Variants in RSPO3 observed in about 807,000 individuals in gnomAD.
The protein encoded by RSPO3 is R-spondin 3, also known as R-spondin-3.
Under a neutral mutation model 36.5 loss-of-function variants are expected in RSPO3, and 17 were observed. That is an observed-to-expected ratio of 0.47 (90% confidence interval 0.32 to 0.70). The LOEUF (loss-of-function observed/expected upper bound fraction) is 0.70. RSPO3 is among the 30% of genes least tolerant of loss of function. The pLI, the probability that RSPO3 is intolerant of heterozygous loss-of-function variation, is 0.04. For synonymous variants in RSPO3, 108 were observed against 107.0 expected (o/e 1.01, Z -0.06); for missense variants, 294 against 322.5 (o/e 0.91, Z 0.68).
intron 1 of RSPO3, among the ~76,000 whole-genome samples, chr6:127,121,723 T>C (rs1452541816): frequency 6.6e-6 from 1 of 152,230 alleles, no homozygotes; most frequent in African/African-American, 2.4e-5. Flanking sequence ...GATATACCGT[T>C]TGTTTTGAAA....
At chr6:127,136,978 C>A (rs941216639) in intron 1 of RSPO3, among the ~76,000 whole-genome samples, 26 of 152,312 alleles carry the variant, frequency 1.7e-4, no homozygotes, top group African/African-American at 5.8e-4. Context: ...GCAAGAGCAT[C>A]AAGCATTGTT....
chr6:127,151,892 C>A (rs2114586640), intron 3 of RSPO3, among the ~76,000 whole-genome samples: 1 of 152,040 alleles, frequency 6.6e-6, no homozygotes, highest in Middle Eastern at 3.4e-3. Flanking sequence ...GTTCCAAACA[C>A]TGGAAAAAAT....
chr6:127,143,958 G>A (rs773792136), intron 1 of RSPO3, among the ~76,000 whole-genome samples: 2 of 152,158 alleles, frequency 1.3e-5, no homozygotes, highest in Non-Finnish European at 2.9e-5. Flanking sequence ...TAACTCTTAT[G>A]ATAATAGCAA....
intron 3 of RSPO3, among the ~76,000 whole-genome samples, chr6:127,151,753 G>A (rs1774494620): frequency 6.6e-6 from 1 of 151,988 alleles, no homozygotes; most frequent in South Asian, 2.1e-4. Context: ...TTTTGGTTAA[G>A]TTTTTCTTCT....
intron 1 of RSPO3, among the ~76,000 whole-genome samples, chr6:127,137,517 TA>T (rs1242994056): frequency 5.6e-4 from 85 of 152,218 alleles, no homozygotes; most frequent in Non-Finnish European, 9.7e-4. Flanking sequence ...TAGATACCTC[TA>T]AAGTTCCCAA....
intron 1 of RSPO3, among the ~76,000 whole-genome samples, chr6:127,127,813 C>T (rs749710210): frequency 2.6e-5 from 4 of 151,972 alleles, no homozygotes; most frequent in Non-Finnish European, 5.9e-5. Context: ...CTTCTTTCCT[C>T]CTTCTTTCTT....
chr6:127,159,140 T>C (rs1022113705), intron 4 of RSPO3, among the ~76,000 whole-genome samples: 15 of 152,168 alleles, frequency 9.9e-5, no homozygotes, highest in Non-Finnish European at 1.3e-4. Context: ...TGTGTGCACC[T>C]GCATTTGATG....
At chr6:127,183,168 A>G (rs888428052) in intron 4 of RSPO3, among the ~76,000 whole-genome samples, 2 of 151,942 alleles carry the variant, frequency 1.3e-5, no homozygotes, top group African/African-American at 4.8e-5. Context: ...TCTTCAAATC[A>G]CTAAAACTGT....
At chr6:127,157,843 A>G (rs1774625434) in intron 4 of RSPO3, among the ~76,000 whole-genome samples, 1 of 151,716 alleles carries the variant, frequency 6.6e-6, no homozygotes, top group South Asian at 2.1e-4. Context: ...TATTTCTCTA[A>G]TCCTCCAGTT....
At chr6:127,176,675 T>C (rs1775062003) in intron 4 of RSPO3, among the ~76,000 whole-genome samples, 2 of 151,756 alleles carry the variant, frequency 1.3e-5, no homozygotes, top group South Asian at 4.1e-4. Context: ...TGTATAATAA[T>C]CCAGGGTTTG....
At chr6:127,155,510 T>C in intron 4 of RSPO3, 72 bp downstream of exon 4, 1 of 1,371,648 alleles carries the variant, frequency 7.3e-7, no homozygotes, top group Non-Finnish European at 1.0e-6. Flanking sequence ...TTATTTCTTA[T>C]GAAACACTTG....
intron 4 of RSPO3, among the ~76,000 whole-genome samples, chr6:127,191,938 A>G (rs933736435): frequency 1.3e-5 from 2 of 152,148 alleles, no homozygotes; most frequent in Non-Finnish European, 2.9e-5. Context: ...CTCTGATCAA[A>G]CCAAGGAAGT....
intron 4 of RSPO3, among the ~76,000 whole-genome samples, chr6:127,174,746 G>A (rs1775015291): frequency 6.6e-6 from 1 of 151,782 alleles, no homozygotes; most frequent in Admixed American, 6.6e-5. Context: ...TCATAGAACT[G>A]AACATAGTCA....
At chr6:127,193,183 CTAGTTATTCCTTGGACATAAAGTTATAA>C (rs1426355745) in intron 4 of RSPO3, among the ~76,000 whole-genome samples, 1 of 152,174 alleles carries the variant, frequency 6.6e-6, no homozygotes, top group Non-Finnish European at 1.5e-5. Flanking sequence ...ACTGCCCAGA[CTAGTTATTCCTTGGACATAAAGTTATAA>C]TACCGAGTTT....
intron 1 of RSPO3, among the ~76,000 whole-genome samples, chr6:127,128,302 A>G (rs2745352): frequency 0.55 from 82,818 of 151,806 alleles, 22,649 homozygotes; most frequent in East Asian, 0.61. Flanking sequence ...TTGGTACAAT[A>G]ATTTTCCGCC....
At chr6:127,190,597 C>T (rs984129294) in intron 4 of RSPO3, among the ~76,000 whole-genome samples, 1 of 152,072 alleles carries the variant, frequency 6.6e-6, no homozygotes, top group African/African-American at 2.4e-5. Context: ...GAATTTCATT[C>T]CACACCAAAT....
intron 4 of RSPO3, among the ~76,000 whole-genome samples, chr6:127,178,121 T>A (rs1775093292): frequency 6.6e-6 from 1 of 151,726 alleles, no homozygotes; most frequent in South Asian, 2.1e-4. Context: ...AATATTGAAA[T>A]GGTAACTAAT....
intron 4 of RSPO3, among the ~76,000 whole-genome samples, chr6:127,171,129 A>G (rs1774925451): frequency 6.6e-6 from 1 of 151,870 alleles, no homozygotes; most frequent in Non-Finnish European, 1.5e-5. Context: ...AAAGTACTGT[A>G]TTTTAAAACT....
intron 3 of RSPO3, among the ~76,000 whole-genome samples, chr6:127,150,801 C>T (rs2114584946): frequency 6.7e-6 from 1 of 150,104 alleles, no homozygotes; most frequent in East Asian, 1.9e-4. Flanking sequence ...TTCTTAGGGA[C>T]TATTGATAAT....
Sources: allele counts gnomAD v4.1 joint callset (sites outside exome capture counted in the v4.1 genomes callset), GRCh38; gene constraint gnomAD v4.1.1; transcripts MANE v1.5; gene names NCBI Gene and HGNC (gene_info 2026-07-23, HGNC 2026-07-21).